The following SEMA3C variants were observed in gnomAD, a reference collection of about 807,000 sequenced individuals.
SEMA3C encodes semaphorin 3C, also known as semaphorin-3C.
In SEMA3C, 47 loss-of-function variants were observed where a neutral mutation model predicts 89.4. The observed-to-expected ratio is 0.53, with a 90% confidence interval of 0.42 to 0.67. The LOEUF (loss-of-function observed/expected upper bound fraction) is 0.67, where lower values mean the gene tolerates loss of function less well. Ranked by LOEUF, SEMA3C falls within the 30% of genes least tolerant of loss-of-function variation. SEMA3C has a pLI of 0.00. For missense variants in SEMA3C, 839 were observed against 929.1 expected (o/e 0.90, Z 1.26); for synonymous variants, 310 against 320.2 (o/e 0.97, Z 0.34).
At chr7:80,788,031 T>C (rs564289235) in intron 12 of SEMA3C, among the ~76,000 whole-genome samples, 12 of 152,284 alleles carry the variant, frequency 7.9e-5, no homozygotes, top group Non-Finnish European at 1.3e-4. Context: ...CATTCAGATA[T>C]GGGGTTTTCA....
intron 2 of SEMA3C, among the ~76,000 whole-genome samples, chr7:80,855,425 C>T (rs1417521005): frequency 6.6e-6 from 1 of 152,086 alleles, no homozygotes; most frequent in Non-Finnish European, 1.5e-5. Flanking sequence ...TGAGCACTAC[C>T]ATTCCTGGGT....
At chr7:80,817,421 T>C (rs1789634406) in intron 5 of SEMA3C, among the ~76,000 whole-genome samples, 1 of 152,122 alleles carries the variant, frequency 6.6e-6, no homozygotes, top group Admixed American at 6.5e-5. Context: ...TATATTTAAG[T>C]TGCATAATAA....
chr7:80,762,707 G>A (rs907831915), intron 13 of SEMA3C, among the ~76,000 whole-genome samples: 5 of 152,142 alleles, frequency 3.3e-5, no homozygotes, highest in African/African-American at 1.2e-4. Context: ...CAGCTACTCA[G>A]AAGGATAAGG....
chr7:80,892,613 T>C lies in SEMA3C; in HGVS notation c.103+24066A>G, dbSNP rs555551411. Among the ~76,000 whole-genome samples the C allele has an allele frequency of 4.4e-4, 67 of 152,232 alleles. 1 individual carries two copies. Among genetic ancestry groups the C allele is most frequent in the African/African-American group, 1.6e-3 (65 of 41,560 alleles). ...CTAACAGACACTATAGAAAAGCTGA[T>C]ATTTTTTTCCGTTGAAGTTAGGACA... On this transcript the variant is annotated intron_variant, in intron 2 of 17. Coordinates refer to ENST00000265361, the MANE Select transcript of SEMA3C (RefSeq NM_006379.5).
In SEMA3C at chr7:80,744,780, TA is replaced by T; in HGVS notation, c.*113del. ...GTTCGTGTAAAACTCACTTCAGGAGTAATCACCTTTTTCAGTAATTCCCCTT... is the reference window on the plus strand; with the variant it reads ...GTTCGTGTAAAACTCACTTCAGGAGTATCACCTTTTTCAGTAATTCCCCTT... On this transcript the variant is annotated 3_prime_UTR_variant, in exon 18 of 18. Coordinates refer to ENST00000265361, the MANE Select transcript of SEMA3C (RefSeq NM_006379.5). 8.5e-7 allele frequency: 1 copy of T among 1,182,456 alleles called. No homozygotes were observed. Among genetic ancestry groups the T allele is most frequent in the Non-Finnish European group, 1.2e-6 (1 of 808,294 alleles). The allele number at this position is 1,182,456 out of a possible 1,614,324, so 73.2% of individuals were successfully genotyped here. A position where few individuals can be genotyped will look rare whatever the true frequency, so the allele number is the denominator to read the frequency against.
At chr7:80,907,598 T>C (rs1792045953) in intron 2 of SEMA3C, among the ~76,000 whole-genome samples, 1 of 152,042 alleles carries the variant, frequency 6.6e-6, no homozygotes, top group Admixed American at 6.6e-5. Flanking sequence ...GTGGTTCTAT[T>C]TAATGTCAGA....
Position 80,773,056 on chromosome 7 carries a change from A to G in SEMA3C, c.1355-7813T>C, listed in dbSNP as rs1457537021. On this transcript the variant is annotated intron_variant, in intron 12 of 17. Coordinates refer to ENST00000265361, the MANE Select transcript of SEMA3C (RefSeq NM_006379.5). ...TAAAGAATCGTGAGAGAAAAACAGTATAATTTTTTAAACCTATTTCATTTC... is the reference window on the plus strand; with the variant it reads ...TAAAGAATCGTGAGAGAAAAACAGTGTAATTTTTTAAACCTATTTCATTTC... Among the ~76,000 whole-genome samples the G allele has an allele frequency of 3.3e-5, 5 of 152,350 alleles. No individual in the cohort carries two copies. In the South Asian group the frequency reaches 8.3e-4, roughly 25 times the overall value.
At chr7:80,805,905 C>A (rs562278735) in intron 6 of SEMA3C, 147 bp from the exon 7 acceptor site, 2 of 480,538 alleles carry the variant, frequency 4.2e-6, no homozygotes, top group Non-Finnish European at 7.1e-6. Flanking sequence ...CATTGTCCAG[C>A]AAATCAATAA....
At position 80,743,811 on chromosome 7, in the gene SEMA3C, C is replaced by CTTT. The variant is rs1471504256; in HGVS notation, c.*1082_*1083insAAA. Reference sequence around the variant, plus strand: ...TCTTACTTTCTAGACATAACAAGCACCTTGCCATCACACTGAAAAGATCAT... The same window carrying CTTT: ...TCTTACTTTCTAGACATAACAAGCACTTTCTTGCCATCACACTGAAAAGATCAT... On this transcript the variant is annotated 3_prime_UTR_variant, in exon 18 of 18. Coordinates refer to ENST00000265361, the MANE Select transcript of SEMA3C (RefSeq NM_006379.5). 1 of 151,760 alleles carries CTTT rather than the reference C, an allele frequency of 6.6e-6. No individual in the cohort carries two copies. 9.4% of individuals were successfully genotyped at this position (151,760 alleles called of 1,614,324 possible). A position where few individuals can be genotyped will look rare whatever the true frequency, so the allele number is the denominator to read the frequency against.
chr7:80,869,255 T>C (rs1791000726), intron 2 of SEMA3C, among the ~76,000 whole-genome samples: 1 of 152,172 alleles, frequency 6.6e-6, no homozygotes, highest in South Asian at 2.1e-4. Flanking sequence ...TAATTAGCTG[T>C]AATTAGCTAG....
At chr7:80,920,764 A>C (rs182495827), upstream of SEMA3C, among the ~76,000 whole-genome samples, 14 of 152,332 alleles carry the variant, frequency 9.2e-5, no homozygotes, top group East Asian at 2.7e-3. Flanking sequence ...ACCCCCCAAA[A>C]ACTGACAATA....
At chr7:80,921,652 TAGAG>T (rs1792411312), upstream of SEMA3C, among the ~76,000 whole-genome samples, 1 of 152,160 alleles carries the variant, frequency 6.6e-6, no homozygotes, top group African/African-American at 2.4e-5. Context: ...CAACTAAATT[TAGAG>T]AGCACTAATT....
chr7:80,742,871 G>C lies in SEMA3C; in HGVS notation c.*2023C>G, dbSNP rs993867562. Reference sequence around the variant, plus strand: ...CATTCAGCAGAGTTATGTTCATGAAGAATTTCTACATTTTTAAAAGTAATG... The same window carrying C: ...CATTCAGCAGAGTTATGTTCATGAACAATTTCTACATTTTTAAAAGTAATG... On this transcript the variant is annotated 3_prime_UTR_variant, in exon 18 of 18. Transcript: ENST00000265361. 9 of 151,924 alleles carry C rather than the reference G, an allele frequency of 5.9e-5. No individual in the cohort carries two copies. The highest frequency in any genetic ancestry group is 3.4e-3 in the Middle Eastern group (1 of 294). 9.4% of individuals were successfully genotyped at this position (151,924 alleles called of 1,614,324 possible).
intron 2 of SEMA3C, among the ~76,000 whole-genome samples, chr7:80,861,140 C>T (rs925137965): frequency 7.9e-5 from 12 of 151,862 alleles, no homozygotes; most frequent in African/African-American, 2.4e-4. Flanking sequence ...CAGTATAAAA[C>T]GCATGAAAAA....
At chr7:80,819,675 C>G (rs1789698233) in intron 4 of SEMA3C, among the ~76,000 whole-genome samples, 2 of 152,158 alleles carry the variant, frequency 1.3e-5, no homozygotes, top group Non-Finnish European at 1.5e-5. Context: ...CTCACTTGCT[C>G]CCAGTTCAAG....
chr7:80,781,927 G>A (rs1210476719), intron 12 of SEMA3C, among the ~76,000 whole-genome samples: 1 of 152,026 alleles, frequency 6.6e-6, no homozygotes, highest in Non-Finnish European at 1.5e-5. Flanking sequence ...CTCCTGCTGA[G>A]AGCCACTAGG....
intron 2 of SEMA3C, among the ~76,000 whole-genome samples, chr7:80,893,416 C>T (rs2116159967): frequency 6.6e-6 from 1 of 152,288 alleles, no homozygotes; most frequent in African/African-American, 2.4e-5. Context: ...TGTTCTTAAA[C>T]TGTACTCTTT....
At chr7:80,811,155 A>G (rs13247164) in intron 5 of SEMA3C, among the ~76,000 whole-genome samples, 1 of 152,158 alleles carries the variant, frequency 6.6e-6, no homozygotes, top group East Asian at 1.9e-4. Flanking sequence ...AAAGCATTGT[A>G]CAAGATTCAA....
chr7:80,869,243 C>T (rs545671389), intron 2 of SEMA3C, among the ~76,000 whole-genome samples: 13 of 152,228 alleles, frequency 8.5e-5, no homozygotes, highest in Admixed American at 2.6e-4. Flanking sequence ...ATTTAATGTT[C>T]ATAATTAGCT....
Sources: gnomAD v4.1 joint callset for allele counts (sites outside exome capture counted in the v4.1 genomes callset) on GRCh38, gnomAD v4.1.1 for gene constraint, MANE v1.5 for transcripts, NCBI Gene and HGNC (gene_info 2026-07-23, HGNC 2026-07-21) for gene names.